Variants in MYH10 observed in about 807,000 individuals in gnomAD.
MYH10 encodes the protein myosin-10.
A neutral mutation model predicts 257.8 loss-of-function variants in MYH10; 55 were observed. The observed-to-expected ratio is 0.21, with a 90% confidence interval of 0.17 to 0.27. MYH10 has a LOEUF of 0.27. Among genes scored for constraint, MYH10 ranks in the 10% least tolerant of loss-of-function variants. The probability of loss-of-function intolerance (pLI) is 1.00; values close to 1 mark genes in which losing one functional copy is unlikely to be tolerated. For synonymous variants in MYH10, 854 were observed against 921.7 expected (o/e 0.93, Z 1.33); for missense variants, 1,631 against 2,500.6 (o/e 0.65, Z 7.42).
At chr17:8,546,907 A>AT (rs1431541130) in intron 11 of MYH10, among the ~76,000 whole-genome samples, 3 of 152,094 alleles carry the variant, frequency 2.0e-5, no homozygotes, top group Non-Finnish European at 4.4e-5. Flanking sequence ...CTATTTATTC[A>AT]TTTTTTTAGA....
chr17:8,620,212 A>G (rs1016463111), intron 2 of MYH10, among the ~76,000 whole-genome samples: 79 of 152,358 alleles, frequency 5.2e-4, no homozygotes, highest in Non-Finnish European at 7.8e-4. Flanking sequence ...CTCCTATATG[A>G]ACAATATTCT....
chr17:8,535,509 G>A lies in MYH10; in HGVS notation c.1780-8C>T, dbSNP rs764746516. The A allele has an allele frequency of 1.3e-5, 20 of 1,591,960 alleles. No individual in the cohort carries two copies. Among genetic ancestry groups the A allele is most frequent in the East Asian group, 4.5e-5 (2 of 44,684 alleles). ...ATCTGCCTTATAGTCCACCTATCCCGCACCAAAGCCAAAAGTGGTGAAATG... is the reference window on the plus strand; with the variant it reads ...ATCTGCCTTATAGTCCACCTATCCCACACCAAAGCCAAAAGTGGTGAAATG... On this transcript the variant is annotated splice_polypyrimidine_tract_variant and splice_region_variant and intron_variant, in intron 15 of 42. Transcript: ENST00000360416. The surrounding 1 kb of genome is among the most constrained non-coding windows in gnomAD (Gnocchi z 4.3).
At chr17:8,520,491 C>T (rs2081619405) in intron 19 of MYH10, among the ~76,000 whole-genome samples, 1 of 152,100 alleles carries the variant, frequency 6.6e-6, no homozygotes, top group African/African-American at 2.4e-5. Context: ...GCGAAGACTC[C>T]ATCTCAAAAA....
At chr17:8,548,886 G>C in intron 9 of MYH10, 99 bp from the exon 10 acceptor site, 1 of 990,270 alleles carries the variant, frequency 1.0e-6, no homozygotes, top group Non-Finnish European at 1.5e-6. Context: ...GGAGAGCAGT[G>C]GTCACCATGC....
chr17:8,557,428 G>A (rs1053659099), intron 7 of MYH10, among the ~76,000 whole-genome samples: 1 of 152,154 alleles, frequency 6.6e-6, no homozygotes, highest in African/African-American at 2.4e-5. Context: ...TGATCAGCTT[G>A]CAGGATTAAG....
chr17:8,481,205 G>C, intron 38 of MYH10, 117 bp downstream of exon 38: 1 of 984,526 alleles, frequency 1.0e-6, no homozygotes, highest in East Asian at 2.6e-5. Flanking sequence ...GGCAGCCCAG[G>C]CCCAGCGAGG....
intron 23 of MYH10, among the ~76,000 whole-genome samples, chr17:8,513,299 A>G (rs1465856002): frequency 6.6e-6 from 1 of 152,260 alleles, no homozygotes; most frequent in Non-Finnish European, 1.5e-5. Flanking sequence ...TAACAAAAGC[A>G]AAGATGCAAG....
intron 7 of MYH10, chr17:8,561,219 G>A (rs1281979579): frequency 2.0e-5 from 16 of 784,280 alleles, no homozygotes; most frequent in Admixed American, 3.4e-5. Context: ...TCTCCGGTCC[G>A]TGCCTCCAAG....
At chr17:8,588,785 A>C (rs937137856) in intron 4 of MYH10, among the ~76,000 whole-genome samples, 1 of 152,240 alleles carries the variant, frequency 6.6e-6, no homozygotes, top group Non-Finnish European at 1.5e-5. Context: ...GTAAATGCTT[A>C]TTGAGTAAAA....
chr17:8,548,924 T>C, intron 9 of MYH10, 137 bp from the exon 10 acceptor site: 1 of 610,834 alleles, frequency 1.6e-6, no homozygotes, highest in East Asian at 2.8e-5. Context: ...ATGTTTTTTT[T>C]CTTTATATAT....
chr17:8,630,012 C>A (rs1240573715), intron 1 of MYH10, among the ~76,000 whole-genome samples: 1 of 151,908 alleles, frequency 6.6e-6, no homozygotes, highest in Non-Finnish European at 1.5e-5. Flanking sequence ...ACGGGTCGGG[C>A]GCGCGCCGCC....
chr17:8,476,657 G>GT (rs1367053924), intron 42 of MYH10, among the ~76,000 whole-genome samples: 1 of 152,252 alleles, frequency 6.6e-6, no homozygotes, highest in Non-Finnish European at 1.5e-5. Context: ...TGGTGGATTA[G>GT]TGTGGTCCTC....
At chr17:8,610,271 C>CAAAAAAAATAAAAAA (rs2084978463) in intron 2 of MYH10, among the ~76,000 whole-genome samples, 1 of 45,972 alleles carries the variant, frequency 2.2e-5, no homozygotes, top group Non-Finnish European at 3.5e-5. Context: ...CATAGGATTG[C>CAAAAAAAATAAAAAA]AAAAAAAAAA....
At position 8,477,987 on chromosome 17, in the gene MYH10, C is replaced by T. The variant is rs1474515672; in HGVS notation, c.5706+351G>A. ...TCTCCTGTGCCCACCCTACACCCAGCCAGTATCTCATGACTGCCAGCAATA... is the reference window on the plus strand; with the variant it reads ...TCTCCTGTGCCCACCCTACACCCAGTCAGTATCTCATGACTGCCAGCAATA... On this transcript the variant is annotated intron_variant, in intron 41 of 42. Coordinates refer to ENST00000360416, the MANE Select transcript of MYH10 (RefSeq NM_001256012.3). This position sits in a 1 kb window ranked among gnomAD's most constrained non-coding sequence, Gnocchi z 4.2. Among the ~76,000 whole-genome samples, 3 of 152,192 alleles carry T rather than the reference C, an allele frequency of 2.0e-5. No homozygotes were observed. The highest frequency in any genetic ancestry group is 7.2e-5 in the African/African-American group (3 of 41,436).
At chr17:8,585,175 A>ATGTG (rs1471135045) in intron 4 of MYH10, among the ~76,000 whole-genome samples, 3 of 145,106 alleles carry the variant, frequency 2.1e-5, no homozygotes, top group African/African-American at 7.6e-5. Context: ...ACATATATAT[A>ATGTG]TGTGTGTGTG....
intron 36 of MYH10, among the ~76,000 whole-genome samples, chr17:8,485,735 C>T (rs1420901966): frequency 1.3e-5 from 2 of 152,120 alleles, no homozygotes; most frequent in African/African-American, 4.8e-5. Flanking sequence ...CTGGTAGGAA[C>T]GTAAAACTGC....
intron 2 of MYH10, among the ~76,000 whole-genome samples, chr17:8,608,985 G>T (rs947444904): frequency 2.6e-5 from 4 of 152,114 alleles, no homozygotes; most frequent in Admixed American, 1.3e-4. Context: ...TAATTTTTTT[G>T]TATTTTTAGT....
In MYH10 at chr17:8,542,109, G is replaced by C; in HGVS notation, c.1603C>G (p.Pro535Ala). ...LQPCIDLIERPANPPGVLALL... is the reference protein window; with the variant it reads ...LQPCIDLIERAANPPGVLALL... The stretch of plus-strand genomic sequence containing the variant: ...AGCGAGCAAGTGAGCACTCTTACAG[G>C]TCTCTCTATTAGGTCGATGCATGGC... Residue 535 changes from proline to alanine, a missense_variant and splice_region_variant, in exon 14 of 43, where the codon CCT (proline) becomes GCT (alanine). Pro to Ala is a conservative substitution (Grantham distance 27). Transcript: ENST00000360416. 1 of 1,612,642 alleles carries C rather than the reference G, an allele frequency of 6.2e-7. No individual in the cohort carries two copies. Among genetic ancestry groups the C allele is most frequent in the South Asian group, 1.1e-5 (1 of 90,680 alleles).
chr17:8,499,530 C>T (rs541022162), intron 29 of MYH10, 54 bp from the exon 30 acceptor site: 3 of 1,550,140 alleles, frequency 1.9e-6, no homozygotes, highest in Admixed American at 3.4e-5. Context: ...AAACTCCATA[C>T]AGAGGACTGC....
Sources: allele counts gnomAD v4.1 joint callset (sites outside exome capture counted in the v4.1 genomes callset), GRCh38; gene constraint gnomAD v4.1.1; non-coding constraint Gnocchi (gnomAD v3.1); transcripts MANE v1.5; gene names NCBI Gene and HGNC (gene_info 2026-07-23, HGNC 2026-07-21).